Variants in MEOX2 observed in about 807,000 individuals in gnomAD.
MEOX2 encodes homeobox protein MOX-2.
In MEOX2, 11 loss-of-function variants were observed where a neutral mutation model predicts 27.0. That is an observed-to-expected ratio of 0.41 (90% CI 0.26 to 0.68). MEOX2 has a LOEUF of 0.68. Ranked by LOEUF, MEOX2 falls within the 30% of genes least tolerant of loss-of-function variation. The pLI, the probability that MEOX2 is intolerant of heterozygous loss-of-function variation, is 0.33. For missense variants in MEOX2, 436 were observed against 385.4 expected (o/e 1.13, Z -1.10); for synonymous variants, 189 against 155.4 (o/e 1.22, Z -1.61).
intron 1 of MEOX2, among the ~76,000 whole-genome samples, chr7:15,637,765 G>T (rs761650284): frequency 2.0e-5 from 3 of 151,710 alleles, no homozygotes; most frequent in Non-Finnish European, 2.9e-5. Context: ...AGCAGACTTG[G>T]GTTGGATATC....
chr7:15,647,566 A>G (rs1233230732), intron 1 of MEOX2, among the ~76,000 whole-genome samples: 1 of 152,148 alleles, frequency 6.6e-6, no homozygotes, highest in African/African-American at 2.4e-5. Context: ...ATAATGATCT[A>G]GGTTCTAAAA....
intron 1 of MEOX2, among the ~76,000 whole-genome samples, chr7:15,643,291 G>T (rs780001647): frequency 6.6e-6 from 1 of 152,130 alleles, no homozygotes; most frequent in South Asian, 2.1e-4. Context: ...GCTCCTGGGG[G>T]TATGTTCTGC....
intron 1 of MEOX2, among the ~76,000 whole-genome samples, chr7:15,632,402 TTA>T (rs1458935436): frequency 6.6e-6 from 1 of 151,860 alleles, no homozygotes; most frequent in Non-Finnish European, 1.5e-5. Context: ...TGTTTTAATT[TTA>T]TCTTTCCTTT....
chr7:15,655,796 T>G (rs1781810648), intron 1 of MEOX2, among the ~76,000 whole-genome samples: 1 of 151,820 alleles, frequency 6.6e-6, no homozygotes, highest in African/African-American at 2.4e-5. Flanking sequence ...GATATATACT[T>G]AGTGAGCTTT....
At chr7:15,627,269 G>T (rs546309288) in intron 1 of MEOX2, among the ~76,000 whole-genome samples, 2 of 152,002 alleles carry the variant, frequency 1.3e-5, no homozygotes, top group South Asian at 2.1e-4. Flanking sequence ...TTGAACATAC[G>T]TACTTGAGGT....
At chr7:15,662,359 G>C (rs542225602) in intron 1 of MEOX2, among the ~76,000 whole-genome samples, 1 of 152,032 alleles carries the variant, frequency 6.6e-6, no homozygotes, top group Admixed American at 6.6e-5. Context: ...CAATTAAGTA[G>C]ATAGGGAAGG....
At chr7:15,668,678 G>A (rs1202367698) in intron 1 of MEOX2, among the ~76,000 whole-genome samples, 1 of 152,040 alleles carries the variant, frequency 6.6e-6, no homozygotes, top group East Asian at 1.9e-4. Context: ...GTTTCACCAT[G>A]TTGGTCAGGC....
chr7:15,631,358 A>G (rs1010249071), intron 1 of MEOX2, among the ~76,000 whole-genome samples: 1 of 151,814 alleles, frequency 6.6e-6, no homozygotes, highest in African/African-American at 2.4e-5. Context: ...GCTTTCGGGG[A>G]GGAAATAAAT....
chr7:15,685,854 C>G, intron 1 of MEOX2, 32 bp downstream of exon 1: 1 of 1,548,734 alleles, frequency 6.5e-7, no homozygotes. Flanking sequence ...CAGCCCGGCG[C>G]GCACTCTCGA....
chr7:15,668,687 G>T (rs1255441615), intron 1 of MEOX2, among the ~76,000 whole-genome samples: 2 of 152,040 alleles, frequency 1.3e-5, no homozygotes, highest in African/African-American at 4.8e-5. Flanking sequence ...TGTTGGTCAG[G>T]CTCGTCTCGA....
At chr7:15,613,821 T>C (rs763444379) in intron 2 of MEOX2, among the ~76,000 whole-genome samples, 24 of 152,222 alleles carry the variant, frequency 1.6e-4, no homozygotes, top group Non-Finnish European at 2.8e-4. Context: ...CATTTTTCTG[T>C]TCTACCATCC....
chr7:15,663,415 C>T (rs10236046), intron 1 of MEOX2, among the ~76,000 whole-genome samples: 4 of 151,422 alleles, frequency 2.6e-5, no homozygotes, highest in Non-Finnish European at 5.9e-5. Context: ...TCACTGAAAC[C>T]TCCTCCTCCC....
intron 1 of MEOX2, among the ~76,000 whole-genome samples, chr7:15,628,392 T>A (rs1261029310): frequency 6.6e-6 from 1 of 152,046 alleles, no homozygotes; most frequent in East Asian, 1.9e-4. Context: ...AGCAATAAGT[T>A]GCCTCAACAC....
At position 15,683,622 on chromosome 7, in the gene MEOX2, A is replaced by G. The variant is rs565445884; in HGVS notation, c.517+2264T>C. 3.9e-5 allele frequency among the ~76,000 whole-genome samples: 6 copies of G among 152,260 alleles called. No homozygotes were observed. In the South Asian group the frequency reaches 1.2e-3, roughly 32 times the overall value. ...CTAATGCAATTGTTACACGAGAAAGATATCTTTAATTTAAATCTATCTCAA... is the reference window on the plus strand; with the variant it reads ...CTAATGCAATTGTTACACGAGAAAGGTATCTTTAATTTAAATCTATCTCAA... On this transcript the variant is annotated intron_variant, in intron 1 of 2. Coordinates refer to ENST00000262041, the MANE Select transcript of MEOX2 (RefSeq NM_005924.5).
At chr7:15,665,538 T>C (rs1225261771) in intron 1 of MEOX2, among the ~76,000 whole-genome samples, 1 of 152,200 alleles carries the variant, frequency 6.6e-6, no homozygotes, top group African/African-American at 2.4e-5. Context: ...TCAAAATAAA[T>C]TTGAAGAATA....
At chr7:15,675,067 TA>T (rs1782170551) in intron 1 of MEOX2, among the ~76,000 whole-genome samples, 1 of 152,174 alleles carries the variant, frequency 6.6e-6, no homozygotes, top group Admixed American at 6.5e-5. Context: ...ATGCTCAACT[TA>T]ACAAAATTTA....
At chr7:15,677,526 A>T (rs1277722871) in intron 1 of MEOX2, 1 of 152,230 alleles carries the variant, frequency 6.6e-6, no homozygotes, top group Non-Finnish European at 1.5e-5. Flanking sequence ...TGGAAGCAAC[A>T]AAAGAAGATT....
In MEOX2 at chr7:15,656,663, T is replaced by C. The variant is rs1162940040; in HGVS notation, c.517+29223A>G. 1.3e-5 allele frequency among the ~76,000 whole-genome samples: 2 copies of C among 151,936 alleles called. 1 individual carries two copies. The highest frequency in any genetic ancestry group is 2.9e-5 in the Non-Finnish European group (2 of 67,864). On this transcript the variant is annotated intron_variant, in intron 1 of 2. Transcript: ENST00000262041. Reference sequence around the variant, plus strand: ...AAACCATTATCTTAAATATTTCCTTTATATTCATTTTAAAACCACATCAGA... The same window carrying C: ...AAACCATTATCTTAAATATTTCCTTCATATTCATTTTAAAACCACATCAGA...
chr7:15,632,470 G>T (rs1012704553), intron 1 of MEOX2, among the ~76,000 whole-genome samples: 1 of 151,576 alleles, frequency 6.6e-6, no homozygotes, highest in Non-Finnish European at 1.5e-5. Context: ...CCAACCCAAT[G>T]GTTCTTCTTC....
Sources: gnomAD v4.1 joint callset for allele counts (sites outside exome capture counted in the v4.1 genomes callset) on GRCh38, gnomAD v4.1.1 for gene constraint, MANE v1.5 for transcripts, NCBI Gene and HGNC (gene_info 2026-07-23, HGNC 2026-07-21) for gene names.